Variants in CDKAL1 observed in about 807,000 individuals in gnomAD.
The protein encoded by CDKAL1 is CDKAL1 threonylcarbamoyladenosine tRNA methylthiotransferase.
A neutral mutation model predicts 68.2 loss-of-function variants in CDKAL1; 32 were observed. The observed-to-expected ratio is 0.47, with a 90% CI of 0.35 to 0.63. CDKAL1 has a LOEUF of 0.63. Ranked by LOEUF, CDKAL1 falls within the 30% of genes least tolerant of loss-of-function variation. The pLI is 0.00. For synonymous variants in CDKAL1, 234 were observed against 244.3 expected (o/e 0.96, Z 0.39); for missense variants, 606 against 696.7 (o/e 0.87, Z 1.47).
chr6:20,963,891 G>A (rs115297083), intron 10 of CDKAL1, among the ~76,000 whole-genome samples: 2,636 of 152,230 alleles, frequency 0.017, 81 homozygotes, highest in African/African-American at 0.06. Flanking sequence ...AATCATTCAT[G>A]TTTGTCCTGA....
intron 2 of CDKAL1, among the ~76,000 whole-genome samples, chr6:20,536,282 GCTTTTCATTT>G (rs1162199642): frequency 6.6e-6 from 1 of 151,862 alleles, no homozygotes; most frequent in Non-Finnish European, 1.5e-5. Context: ...TGTTGCTTGT[GCTTTTCATTT>G]CTTAGCTAAG....
intron 12 of CDKAL1, among the ~76,000 whole-genome samples, chr6:21,086,212 G>T (rs1168372652): frequency 6.6e-6 from 1 of 152,132 alleles, no homozygotes; most frequent in East Asian, 1.9e-4. Context: ...ACAATTAATG[G>T]TGGACTTAGG....
intron 4 of CDKAL1, among the ~76,000 whole-genome samples, chr6:20,634,421 A>G (rs1003509964): frequency 6.6e-6 from 1 of 152,212 alleles, no homozygotes; most frequent in Non-Finnish European, 1.5e-5. Flanking sequence ...CCAGTTTTCA[A>G]TTATGCATAT....
intron 4 of CDKAL1, among the ~76,000 whole-genome samples, chr6:20,562,840 G>T (rs569701411): frequency 1.3e-3 from 202 of 152,212 alleles, no homozygotes; most frequent in African/African-American, 4.3e-3. Context: ...TGTCCTATAC[G>T]GTGCTTTTTC....
chr6:21,138,233 G>GTGTA (rs768153198), intron 13 of CDKAL1, among the ~76,000 whole-genome samples: 1,976 of 48,586 alleles, frequency 0.041, 18 homozygotes, highest in African/African-American at 0.1. Context: ...GTGTATGTGT[G>GTGTA]TGTCTGTGTG....
intron 5 of CDKAL1, among the ~76,000 whole-genome samples, chr6:20,654,000 G>A (rs1768901530): frequency 6.6e-6 from 1 of 152,090 alleles, no homozygotes; most frequent in East Asian, 1.9e-4. Context: ...ACCCACCTTG[G>A]CCTCCCAAAG....
At chr6:21,200,954 C>G (rs548837160) in intron 14 of CDKAL1, 156 bp from the exon 15 acceptor site, 1 of 552,806 alleles carries the variant, frequency 1.8e-6, no homozygotes, top group Admixed American at 3.3e-5. Flanking sequence ...GGCAAAAGTG[C>G]TATACTAATG....
intron 12 of CDKAL1, among the ~76,000 whole-genome samples, chr6:21,082,000 A>C (rs983120246): frequency 1.4e-5 from 2 of 144,274 alleles, no homozygotes; most frequent in African/African-American, 5.1e-5. Flanking sequence ...AGCTATGTAT[A>C]ATGTTAACTG....
At chr6:20,858,038 T>C (rs1326770766) in intron 9 of CDKAL1, among the ~76,000 whole-genome samples, 1 of 152,144 alleles carries the variant, frequency 6.6e-6, no homozygotes. Flanking sequence ...TGTATATTTT[T>C]AGTAGAGATG....
intron 9 of CDKAL1, among the ~76,000 whole-genome samples, chr6:20,855,633 G>A (rs1318832358): frequency 6.6e-6 from 1 of 152,036 alleles, no homozygotes; most frequent in Admixed American, 6.6e-5. Flanking sequence ...AATACCTTAG[G>A]GGTTTGTACA....
intron 11 of CDKAL1, among the ~76,000 whole-genome samples, chr6:21,014,948 T>A (rs1176376195): frequency 6.6e-6 from 1 of 152,102 alleles, no homozygotes; most frequent in Non-Finnish European, 1.5e-5. Context: ...CAGGAATTGG[T>A]GTTATTTCAG....
At chr6:20,604,184 A>G (rs1430768436) in intron 4 of CDKAL1, among the ~76,000 whole-genome samples, 1 of 152,014 alleles carries the variant, frequency 6.6e-6, no homozygotes, top group Non-Finnish European at 1.5e-5. Context: ...CCTTTTATTC[A>G]CCCACATTAG....
At chr6:20,642,096 C>T (rs11968248) in intron 4 of CDKAL1, among the ~76,000 whole-genome samples, 6 of 151,818 alleles carry the variant, frequency 4.0e-5, no homozygotes, top group Non-Finnish European at 7.4e-5. Context: ...TAAAATTATG[C>T]GAGATCAATG....
At chr6:20,625,665 TATTTAGATCC>T (rs892408169) in intron 4 of CDKAL1, among the ~76,000 whole-genome samples, 1 of 152,144 alleles carries the variant, frequency 6.6e-6, no homozygotes, top group African/African-American at 2.4e-5. Flanking sequence ...TGATTTGTAA[TATTTAGATCC>T]ATTTTCCCTA....
chr6:20,772,336 A>G (rs1023293080), intron 7 of CDKAL1, among the ~76,000 whole-genome samples: 2 of 152,210 alleles, frequency 1.3e-5, no homozygotes, highest in African/African-American at 4.8e-5. Context: ...CTAAGGGTCA[A>G]TACTAATGTT....
chr6:21,183,991 C>T (rs1323052707), intron 13 of CDKAL1, among the ~76,000 whole-genome samples: 3 of 152,096 alleles, frequency 2.0e-5, no homozygotes, highest in African/African-American at 7.2e-5. Context: ...GTAGGTTGGA[C>T]ATGCCTCATT....
chr6:21,183,445 CTAAG>C (rs1777877488), intron 13 of CDKAL1, among the ~76,000 whole-genome samples: 1 of 152,150 alleles, frequency 6.6e-6, no homozygotes, highest in African/African-American at 2.4e-5. Flanking sequence ...AATCTAGACT[CTAAG>C]TAACTAGTCA....
chr6:20,754,182 G>GTGT (rs2150343221), intron 6 of CDKAL1, among the ~76,000 whole-genome samples: 1 of 152,198 alleles, frequency 6.6e-6, no homozygotes, highest in South Asian at 2.1e-4. Context: ...GGATCTCGCT[G>GTGT]TGTTGCCCAA....
At chr6:21,215,562 C>T (rs1779311959) in intron 15 of CDKAL1, among the ~76,000 whole-genome samples, 1 of 152,178 alleles carries the variant, frequency 6.6e-6, no homozygotes, top group African/African-American at 2.4e-5. Context: ...CTAATCCTTT[C>T]AGCTCTACAA....
Sources: gnomAD v4.1 joint callset for allele counts (sites outside exome capture counted in the v4.1 genomes callset) on GRCh38, gnomAD v4.1.1 for gene constraint, MANE v1.5 for transcripts, NCBI Gene and HGNC (gene_info 2026-07-23, HGNC 2026-07-21) for gene names.